WDR25: variants seen among roughly 807,000 people sequenced by gnomAD.
The protein encoded by WDR25 is WD repeat-containing protein 25.
WDR25 carries 35 observed loss-of-function variants against 47.7 expected under a neutral mutation model. The ratio of observed to expected loss-of-function variants is 0.73; its 90% CI spans 0.56 to 0.97. WDR25 has a LOEUF of 0.97. Among genes scored for constraint, WDR25 ranks in the 50% least tolerant of loss-of-function variants. WDR25 has a pLI of 0.00. For missense variants in WDR25, 634 were observed against 704.7 expected, an observed-to-expected ratio of 0.90 and a Z score of 1.14; for synonymous variants, 248 against 278.9, an observed-to-expected ratio of 0.89 and a Z score of 1.10.
intron 4 of WDR25, among the ~76,000 whole-genome samples, chr14:100,519,268 A>G (rs765117389): frequency 6.9e-5 from 10 of 145,922 alleles, no homozygotes; most frequent in South Asian, 6.4e-4. Flanking sequence ...TATAGGGGGG[A>G]GAGAGAGAGA....
rs1292871723 is a variant in WDR25, at chr14:100,488,779, A to G, written c.1101+4655A>G. Among the ~76,000 whole-genome samples, 1 of 152,184 alleles carries G rather than the reference A, an allele frequency of 6.6e-6. No individual in the cohort carries two copies. Among genetic ancestry groups the G allele is most frequent in the African/African-American group, 2.4e-5 (1 of 41,456 alleles). ...CCCTTGCTTCTCTCATTTGAACCTT[A>G]TCCTCAATTAGCCTGCACCATCTGT... On this transcript the variant is annotated intron_variant, in intron 4 of 6. Coordinates refer to ENST00000402312, the MANE Select transcript of WDR25 (RefSeq NM_001161476.3). The surrounding 1 kb of genome is among the most constrained non-coding windows in gnomAD (Gnocchi z 4.2).
chr14:100,470,289 A>G lies in WDR25; in HGVS notation c.970+2121A>G, dbSNP rs1899785118. On this transcript the variant is annotated intron_variant, in intron 3 of 6. Transcript: ENST00000402312. ...GCAGGGGCTGGGGCAGATGAGTCTG[A>G]GGAGTGCAGGAGGGGAAACCCCAGC... 1.3e-5 allele frequency among the ~76,000 whole-genome samples: 2 copies of G among 152,186 alleles called. 1 individual carries two copies. Among genetic ancestry groups the G allele is most frequent in the South Asian group, 4.1e-4 (2 of 4,834 alleles).
rs1291618159 is a variant in WDR25 at position 100,525,449 on chromosome 14, A to G, written c.1102-421A>G. 6.6e-6 allele frequency among the ~76,000 whole-genome samples: 1 copy of G among 152,220 alleles called. No individual in the cohort carries two copies. Among genetic ancestry groups the G allele is most frequent in the Non-Finnish European group, 1.5e-5 (1 of 68,032 alleles). On this transcript the variant is annotated intron_variant, in intron 4 of 6. Coordinates refer to ENST00000402312, the MANE Select transcript of WDR25 (RefSeq NM_001161476.3). This position sits in a 1 kb window ranked among gnomAD's most constrained non-coding sequence, Gnocchi z 4.6. ...TGCATTACTGTGGCTCCTCTGGGAC[A>G]ACAATCTGGGACTTTGCAAGCTGTG...
In WDR25 at chr14:100,488,771, T is replaced by G. The variant is rs1900468000; in HGVS notation, c.1101+4647T>G. 6.6e-6 allele frequency among the ~76,000 whole-genome samples: 1 copy of G among 152,224 alleles called. No homozygotes were observed. Among genetic ancestry groups the G allele is most frequent in the Admixed American group, 6.5e-5 (1 of 15,284 alleles). On this transcript the variant is annotated intron_variant, in intron 4 of 6. Coordinates refer to ENST00000402312, the MANE Select transcript of WDR25 (RefSeq NM_001161476.3). This position sits in a 1 kb window ranked among gnomAD's most constrained non-coding sequence, Gnocchi z 4.2. Reference sequence around the variant, plus strand: ...TTAAAAGTCCCTTGCTTCTCTCATTTGAACCTTATCCTCAATTAGCCTGCA... The same window carrying G: ...TTAAAAGTCCCTTGCTTCTCTCATTGGAACCTTATCCTCAATTAGCCTGCA...
At position 100,529,882 on chromosome 14, in the gene WDR25, C is replaced by T. The variant is rs765441866; in HGVS notation, c.1476C>T (p.Ser492=). 8.1e-6 allele frequency: 13 copies of T among 1,613,100 alleles called. No individual in the cohort carries two copies. Among genetic ancestry groups the T allele is most frequent in the Non-Finnish European group, 8.5e-6 (10 of 1,180,038 alleles). The change falls in exon 7 of 7, where the codon AGC becomes AGT. Residue 492 remains serine (S), a synonymous_variant. Coordinates refer to ENST00000402312, the MANE Select transcript of WDR25 (RefSeq NM_001161476.3). The surrounding 1 kb of genome is among the most constrained non-coding windows in gnomAD (Gnocchi z 5.1). ...SPGGDLLVTG[S]ADGRVLMYSF... ...GCGGTGACTTGCTGGTGACGGGCAGCGCCGATGGCCGGGTCCTGATGTACA... is the reference window on the plus strand; with the variant it reads ...GCGGTGACTTGCTGGTGACGGGCAGTGCCGATGGCCGGGTCCTGATGTACA...
chr14:100,522,823 C>G (rs1484038220), intron 4 of WDR25, among the ~76,000 whole-genome samples: 1 of 152,236 alleles, frequency 6.6e-6, no homozygotes, highest in Non-Finnish European at 1.5e-5. Flanking sequence ...CTTGGCATCT[C>G]ACCCCTGCTC....
At chr14:100,480,401 A>G (rs928298067) in intron 3 of WDR25, among the ~76,000 whole-genome samples, 4 of 152,256 alleles carry the variant, frequency 2.6e-5, no homozygotes, top group African/African-American at 9.6e-5. Context: ...TTTACAGAAA[A>G]GCAAGTATTT....
intron 2 of WDR25, among the ~76,000 whole-genome samples, chr14:100,439,377 C>T (rs1898597980): frequency 6.6e-6 from 1 of 152,228 alleles, no homozygotes; most frequent in African/African-American, 2.4e-5. Flanking sequence ...AGACAGGTGA[C>T]TCATCTGATG....
intron 1 of WDR25, among the ~76,000 whole-genome samples, chr14:100,380,378 A>AT (rs1424168190): frequency 5.3e-5 from 8 of 152,048 alleles, no homozygotes; most frequent in African/African-American, 1.9e-4. Flanking sequence ...GGTCTTGCTT[A>AT]TTTTTTACAG....
intron 2 of WDR25, among the ~76,000 whole-genome samples, chr14:100,422,943 G>A (rs736319): frequency 0.047 from 7,175 of 152,168 alleles, 403 homozygotes; most frequent in African/African-American, 0.14. Flanking sequence ...AGTGGCGAGC[G>A]TCCCACAGAG....
intron 2 of WDR25, among the ~76,000 whole-genome samples, chr14:100,417,913 T>C (rs1897914794): frequency 6.6e-6 from 1 of 151,996 alleles, no homozygotes; most frequent in Non-Finnish European, 1.5e-5. Context: ...GCTCATAGGT[T>C]CTCATGAAGG....
intron 4 of WDR25, among the ~76,000 whole-genome samples, chr14:100,484,378 A>C (rs938706923): frequency 6.6e-6 from 1 of 152,220 alleles, no homozygotes; most frequent in Non-Finnish European, 1.5e-5. Context: ...ACTGTGCACA[A>C]ATGCTTCCAG....
intron 2 of WDR25, among the ~76,000 whole-genome samples, chr14:100,388,235 T>C (rs769420544): frequency 7.9e-5 from 12 of 152,174 alleles, no homozygotes; most frequent in Non-Finnish European, 1.3e-4. Flanking sequence ...GTGGTGGTAG[T>C]GGGCCTTTGG....
intron 2 of WDR25, among the ~76,000 whole-genome samples, chr14:100,443,538 C>T (rs565444599): frequency 2.0e-5 from 3 of 152,144 alleles, no homozygotes; most frequent in Non-Finnish European, 4.4e-5. Context: ...AGCTGTCACT[C>T]GATTGTTCCC....
intron 2 of WDR25, among the ~76,000 whole-genome samples, chr14:100,394,510 G>T (rs983306546): frequency 2.0e-5 from 3 of 152,226 alleles, no homozygotes; most frequent in Non-Finnish European, 4.4e-5. Context: ...CATCTGTATG[G>T]CTGTCCAGCC....
At chr14:100,435,631 G>T (rs1314226550) in intron 2 of WDR25, among the ~76,000 whole-genome samples, 2 of 152,098 alleles carry the variant, frequency 1.3e-5, no homozygotes, top group Admixed American at 6.5e-5. Flanking sequence ...CTCCTGCTAT[G>T]GGGGCAACAA....
At chr14:100,406,186 A>G (rs1897533447) in intron 2 of WDR25, among the ~76,000 whole-genome samples, 1 of 152,122 alleles carries the variant, frequency 6.6e-6, no homozygotes, top group African/African-American at 2.4e-5. Flanking sequence ...TGACGTTGAT[A>G]TGTGTGTCTC....
intron 2 of WDR25, among the ~76,000 whole-genome samples, chr14:100,457,681 C>A (rs1899249148): frequency 6.6e-6 from 1 of 152,012 alleles, no homozygotes; most frequent in African/African-American, 2.4e-5. Context: ...GTTTTTTGTT[C>A]TTATTTAAAA....
intron 2 of WDR25, among the ~76,000 whole-genome samples, chr14:100,462,693 T>G (rs900532835): frequency 6.6e-6 from 1 of 152,230 alleles, no homozygotes; most frequent in Non-Finnish European, 1.5e-5. Flanking sequence ...CATTCCAGTT[T>G]GCTGCTTTTG....
Sources: gnomAD v4.1 joint callset for allele counts (sites outside exome capture counted in the v4.1 genomes callset) on GRCh38, gnomAD v4.1.1 for gene constraint, Gnocchi (gnomAD v3.1) non-coding constraint, MANE v1.5 for transcripts, NCBI Gene and HGNC (gene_info 2026-07-23, HGNC 2026-07-21) for gene names.